ABCB1: variants seen among roughly 807,000 people sequenced by gnomAD.
The protein encoded by ABCB1 is ATP-dependent translocase ABCB1.
ABCB1 carries 69 observed loss-of-function variants against 142.0 expected under a neutral mutation model. The observed-to-expected ratio is 0.49, with a 90% CI of 0.40 to 0.59. ABCB1 has a LOEUF of 0.59. Among genes scored for constraint, ABCB1 ranks in the 20% least tolerant of loss-of-function variants. The pLI, the probability that ABCB1 is intolerant of heterozygous loss-of-function variation, is 0.00. For missense variants in ABCB1, 1,326 were observed against 1,554.7 expected (o/e 0.85, Z 2.47); for synonymous variants, 532 against 539.2 (o/e 0.99, Z 0.18).
At chr7:87,602,239 C>T (rs986691056), upstream of ABCB1, among the ~76,000 whole-genome samples, 14 of 151,136 alleles carry the variant, frequency 9.3e-5, no homozygotes, top group Admixed American at 2.0e-4. Context: ...GTGATCCGCC[C>T]GCCTCGGCCT....
chr7:87,687,972 C>T (rs1827635772), intron 1 of ABCB1, among the ~76,000 whole-genome samples: 1 of 152,148 alleles, frequency 6.6e-6, no homozygotes, highest in African/African-American at 2.4e-5. Flanking sequence ...GAAAATGAGA[C>T]TTAAATTGTT....
At chr7:87,668,891 C>A (rs1189429696) in intron 1 of ABCB1, among the ~76,000 whole-genome samples, 2 of 151,982 alleles carry the variant, frequency 1.3e-5, no homozygotes, top group Non-Finnish European at 2.9e-5. Flanking sequence ...TTGTTTTATT[C>A]CAATTATTTG....
chr7:87,684,428 T>G (rs1827235299), intron 1 of ABCB1, among the ~76,000 whole-genome samples: 1 of 152,162 alleles, frequency 6.6e-6, no homozygotes, highest in Admixed American at 6.5e-5. Flanking sequence ...ATTTTAAGAC[T>G]TACTGTTAAG....
intron 4 of ABCB1, among the ~76,000 whole-genome samples, chr7:87,578,779 C>T (rs373687929): frequency 1.3e-5 from 2 of 150,052 alleles, no homozygotes; most frequent in South Asian, 2.1e-4. Flanking sequence ...CTGCAAGCTC[C>T]GCCTCCCGGG....
intron 1 of ABCB1, among the ~76,000 whole-genome samples, chr7:87,682,335 C>T (rs567196332): frequency 6.6e-6 from 1 of 152,270 alleles, no homozygotes; most frequent in East Asian, 1.9e-4. Flanking sequence ...ATATTTTAAC[C>T]TCTTCTCATA....
intron 1 of ABCB1, among the ~76,000 whole-genome samples, chr7:87,624,625 A>G (rs563392328): frequency 2.6e-5 from 4 of 152,262 alleles, no homozygotes; most frequent in African/African-American, 9.6e-5. Context: ...CCTTTGTGCA[A>G]TGCTTAAATA....
intron 1 of ABCB1, among the ~76,000 whole-genome samples, chr7:87,613,207 T>C (rs1358803262): frequency 1.3e-5 from 2 of 151,110 alleles, no homozygotes; most frequent in Admixed American, 6.6e-5. Context: ...GACCATATCA[T>C]TGATGAGATA....
intron 12 of ABCB1, 42 bp from the exon 13 acceptor site, chr7:87,550,096 G>A (rs778272840): frequency 6.2e-7 from 1 of 1,614,038 alleles, no homozygotes; most frequent in South Asian, 1.1e-5. Context: ...ATTTGTAATT[G>A]AAAGGGCAAC....
intron 1 of ABCB1, chr7:87,700,630 CTACT>C: frequency 7.5e-7 from 1 of 1,337,874 alleles, no homozygotes; most frequent in Non-Finnish European, 1.0e-6. Flanking sequence ...AGGTGTGAAG[CTACT>C]TACTATGAAT....
intron 1 of ABCB1, chr7:87,693,893 A>ATT: frequency 2.7e-6 from 4 of 1,462,040 alleles, no homozygotes; most frequent in South Asian, 1.2e-5. Flanking sequence ...TGTTGTTGTT[A>ATT]TTTTTTTTTT....
intron 1 of ABCB1, among the ~76,000 whole-genome samples, chr7:87,672,495 G>A (rs1023988191): frequency 6.6e-6 from 1 of 152,172 alleles, no homozygotes; most frequent in Non-Finnish European, 1.5e-5. Context: ...AGTGGGGCCT[G>A]TAGGTTTTGG....
chr7:87,559,728 T>C (rs1038130695), intron 8 of ABCB1, among the ~76,000 whole-genome samples: 1 of 152,186 alleles, frequency 6.6e-6, no homozygotes, highest in Non-Finnish European at 1.5e-5. Context: ...AGAGATTGTT[T>C]CCTACTTCAC....
rs778961519 is a variant in ABCB1, at chr7:87,516,635, C to T, written c.2958G>A (p.Met986Ile). Residue 986 changes from methionine (M) to isoleucine (I), a missense_variant, in exon 24 of 28, where the codon ATG becomes ATA. By Grantham distance (10) the Met-to-Ile change is conservative. Coordinates refer to ENST00000622132, the MANE Select transcript of ABCB1 (RefSeq NM_001348946.2). The part of the protein sequence containing the change: ...LVFSAVVFGA[M>I]AVGQVSSFAP... ...CAAATGAACTGACTTGCCCCACGGC[C>T]ATGGCACCAAAGACAACAGCTGAAA... is the stretch of plus-strand genomic sequence containing the variant. 1 of 1,613,802 alleles carries T rather than the reference C, an allele frequency of 6.2e-7. No homozygotes were observed. The highest frequency in any genetic ancestry group is 8.5e-7 in the Non-Finnish European group (1 of 1,179,998).
chr7:87,547,399 T>C (rs1816830320), intron 14 of ABCB1, among the ~76,000 whole-genome samples: 2 of 152,202 alleles, frequency 1.3e-5, no homozygotes, highest in Admixed American at 1.3e-4. Flanking sequence ...ATTTATAATT[T>C]AATACATAGT....
chr7:87,579,005 T>G (rs1030787700), intron 4 of ABCB1, among the ~76,000 whole-genome samples: 1 of 152,260 alleles, frequency 6.6e-6, no homozygotes, highest in Non-Finnish European at 1.5e-5. Context: ...GATTACTTTC[T>G]TGATTACCTT....
intron 1 of ABCB1, among the ~76,000 whole-genome samples, chr7:87,647,943 G>A (rs1823182818): frequency 6.6e-6 from 1 of 152,090 alleles, no homozygotes; most frequent in Non-Finnish European, 1.5e-5. Context: ...CCAACACTTT[G>A]GGAGGCCAAG....
chr7:87,583,747 AC>A (rs1222577530), intron 4 of ABCB1, among the ~76,000 whole-genome samples: 2 of 152,210 alleles, frequency 1.3e-5, no homozygotes, highest in Non-Finnish European at 2.9e-5. Flanking sequence ...GGATGATATA[AC>A]AAAATACATA....
chr7:87,626,637 CAT>C (rs1266983467), intron 1 of ABCB1, among the ~76,000 whole-genome samples: 42 of 7,334 alleles, frequency 5.7e-3, no homozygotes, highest in Admixed American at 0.018. Flanking sequence ...ATATATGTGT[CAT>C]ATATATGTGT....
At chr7:87,696,880 A>G (rs1295569029) in intron 1 of ABCB1, among the ~76,000 whole-genome samples, 2 of 152,120 alleles carry the variant, frequency 1.3e-5, no homozygotes, top group Admixed American at 6.5e-5. Flanking sequence ...AGTGTGCCCT[A>G]CCTATAGCAG....
Sources: allele counts gnomAD v4.1 joint callset (sites outside exome capture counted in the v4.1 genomes callset), GRCh38; gene constraint gnomAD v4.1.1; transcripts MANE v1.5; gene names NCBI Gene and HGNC (gene_info 2026-07-23, HGNC 2026-07-21).